The following SDK2 variants were observed in gnomAD, a reference collection of about 807,000 sequenced individuals.
SDK2 encodes the protein protein sidekick-2.
SDK2 carries 105 observed loss-of-function variants against 253.9 expected under a neutral mutation model. The ratio of observed to expected loss-of-function variants is 0.41; its 90% CI spans 0.35 to 0.49. The LOEUF (loss-of-function observed/expected upper bound fraction) is 0.49, where lower values mean the gene tolerates loss of function less well. SDK2 is among the 20% of genes least tolerant of loss of function. The pLI is 0.06. For synonymous variants in SDK2, 1,249 were observed against 1,234.9 expected (o/e 1.01, Z -0.24); for missense variants, 2,608 against 3,003.0 (o/e 0.87, Z 3.07).
intron 40 of SDK2, among the ~76,000 whole-genome samples, chr17:73,353,700 ATTTTTT>A (rs11370066): frequency 2.1e-5 from 2 of 97,220 alleles, no homozygotes; most frequent in Non-Finnish European, 3.8e-5. Flanking sequence ...TGCCTGGCCA[ATTTTTT>A]TTTTTTTTTT....
intron 18 of SDK2, among the ~76,000 whole-genome samples, chr17:73,403,398 C>G (rs904380): frequency 0.72 from 110,127 of 152,002 alleles, 41,000 homozygotes; most frequent in Non-Finnish European, 0.82. Flanking sequence ...TTGCTCATCT[C>G]CCCTCTGCAG....
chr17:73,412,020 G>GTATA lies in SDK2; in HGVS notation c.2484+2620_2484+2623dup, dbSNP rs1311543823. ...TACACACATATATATGTAGATATAC[G>GTATA]TATATGTATATATACGTATATATAT... On this transcript the variant is annotated intron_variant, in intron 18 of 44. Transcript: ENST00000392650. Among the ~76,000 whole-genome samples the GTATA allele has an allele frequency of 4.8e-4, 24 of 49,630 alleles. 7 individuals carry two copies. The highest frequency in any genetic ancestry group is 0.021 in the Middle Eastern group (2 of 94). 32.6% of individuals were successfully genotyped at this position (49,630 alleles called of 152,430 possible).
chr17:73,437,649 G>T lies in SDK2; in HGVS notation c.1000+90C>A, dbSNP rs74917389. The T allele has an allele frequency of 3.7e-3, 4,250 of 1,140,988 alleles. 102 individuals are homozygous for T. The African/African-American group carries it at 0.058, about 15-fold the overall frequency. The allele number at this position is 1,140,988 out of a possible 1,614,324, so 70.7% of individuals were successfully genotyped here. On this transcript the variant is annotated intron_variant, in intron 8 of 44. Transcript: ENST00000392650. ...CTGCCTAGTGACATGGTCTCGAGAA[G>T]AAGCTGGAATTTAGAAATGTCCACA...
intron 17 of SDK2, among the ~76,000 whole-genome samples, chr17:73,415,348 C>A (rs1488312659): frequency 7.2e-6 from 1 of 138,326 alleles, no homozygotes; most frequent in Non-Finnish European, 1.5e-5. Context: ...CATTTCATTT[C>A]ACTTTTTTTT....
intron 1 of SDK2, among the ~76,000 whole-genome samples, chr17:73,611,502 G>A (rs750320581): frequency 1.3e-5 from 2 of 152,224 alleles, no homozygotes; most frequent in Non-Finnish European, 2.9e-5. Context: ...GAGGTGCCCT[G>A]GGGGGACCCC....
At chr17:73,433,702 C>A (rs1175840671) in intron 10 of SDK2, 30 bp downstream of exon 10, 2 of 1,506,010 alleles carry the variant, frequency 1.3e-6, no homozygotes, top group South Asian at 2.4e-5. Context: ...TATCACCCAG[C>A]CACACTCTCT....
chr17:73,509,917 A>AAAAAAAAAAAAAAAAAAAAAAAAAAT (rs2063966825), intron 1 of SDK2, among the ~76,000 whole-genome samples: 1 of 145,846 alleles, frequency 6.9e-6, no homozygotes, highest in African/African-American at 2.6e-5. Context: ...AAAAAAAAAA[A>AAAAAAAAAAAAAAAAAAAAAAAAAAT]AAAAAGAAGG....
chr17:73,397,293 G>T lies in SDK2; in HGVS notation c.3354+742C>A, dbSNP rs571240564. Among the ~76,000 whole-genome samples the T allele has an allele frequency of 3.3e-5, 5 of 152,330 alleles. No individual in the cohort carries two copies. The East Asian group carries it at 9.6e-4, about 29-fold the overall frequency. On this transcript the variant is annotated intron_variant, in intron 24 of 44. Coordinates refer to ENST00000392650, the MANE Select transcript of SDK2 (RefSeq NM_001144952.2). ...GTGCTGGGAAACGATGTTCCAGAGG[G>T]CCTGGTGGGGAGAAGTGGCCTGTTC...
intron 18 of SDK2, among the ~76,000 whole-genome samples, chr17:73,403,194 C>T (rs1204889275): frequency 2.0e-5 from 3 of 152,242 alleles, no homozygotes. Context: ...TGAGCTCCTA[C>T]ATCTTGCCCC....
chr17:73,433,788 A>T lies in SDK2; in HGVS notation c.1256T>A (p.Val419Glu). The T allele has an allele frequency of 1.2e-6, 2 of 1,607,180 alleles. No homozygotes were observed. Among genetic ancestry groups the T allele is most frequent in the Non-Finnish European group, 1.7e-6 (2 of 1,176,828 alleles). The change falls in exon 10 of 45, where the codon GTG (valine) becomes GAG (glutamate). Residue 419 changes from valine (V) to glutamate (E), a missense_variant. This residue lies in a region of SDK2 where 1,505 missense variants were observed against 1,859.1 expected (regional missense o/e 0.81). Transcript: ENST00000392650. ...CCCCGAGGTCTCACATGCTAGCACCACTGACATGCCATCGATCACCGTGCT... is the reference window on the plus strand; with the variant it reads ...CCCCGAGGTCTCACATGCTAGCACCTCTGACATGCCATCGATCACCGTGCT... The part of the protein sequence containing the change: ...LDSTVIDGMS[V>E]VLACETSGAP...
intron 1 of SDK2, among the ~76,000 whole-genome samples, chr17:73,552,064 C>T (rs963284614): frequency 1.3e-5 from 2 of 152,128 alleles, no homozygotes; most frequent in African/African-American, 2.4e-5. Flanking sequence ...CAGTCCCCAC[C>T]GCCTGCCCCC....
At chr17:73,473,404 C>T (rs879832841) in intron 2 of SDK2, among the ~76,000 whole-genome samples, 6 of 152,120 alleles carry the variant, frequency 3.9e-5, no homozygotes, top group Non-Finnish European at 8.8e-5. Context: ...GGCAATGGTC[C>T]CACAGGACCC....
chr17:73,523,563 G>A (rs893687432), intron 1 of SDK2, among the ~76,000 whole-genome samples: 2 of 151,998 alleles, frequency 1.3e-5, no homozygotes, highest in African/African-American at 4.8e-5. Context: ...CTGCCGGCAT[G>A]GGAACGCCAG....
intron 2 of SDK2, among the ~76,000 whole-genome samples, chr17:73,487,874 C>T (rs571212444): frequency 2.0e-5 from 3 of 152,330 alleles, no homozygotes; most frequent in African/African-American, 7.2e-5. Flanking sequence ...GAGTCACAGT[C>T]TTTAACAACC....
chr17:73,432,904 G>C (rs2063339054), intron 10 of SDK2, among the ~76,000 whole-genome samples: 1 of 152,154 alleles, frequency 6.6e-6, no homozygotes, highest in Non-Finnish European at 1.5e-5. Flanking sequence ...GAGTTGTGAA[G>C]GTGAGTGTGC....
chr17:73,489,473 T>C (rs1323325626), intron 2 of SDK2, among the ~76,000 whole-genome samples: 2 of 152,022 alleles, frequency 1.3e-5, no homozygotes, highest in Non-Finnish European at 2.9e-5. Flanking sequence ...GATTGGTGAG[T>C]TGTGATGGCA....
chr17:73,453,370 G>T (rs908104745), intron 4 of SDK2, among the ~76,000 whole-genome samples: 41 of 141,234 alleles, frequency 2.9e-4, no homozygotes, highest in South Asian at 4.5e-4. Flanking sequence ...CTGAGCTGGG[G>T]TTTTTTTTTT....
rs762962122 is a variant in SDK2 at position 73,511,794 on chromosome 17, T to C, written c.65-4197A>G. Reference sequence around the variant, plus strand: ...ACCTGCCTCGTCTGAAAGCAAGAGATGGCAGGGGGCTGGCAGGGTGTGTGC... The same window carrying C: ...ACCTGCCTCGTCTGAAAGCAAGAGACGGCAGGGGGCTGGCAGGGTGTGTGC... On this transcript the variant is annotated intron_variant, in intron 1 of 44. Coordinates refer to ENST00000392650, the MANE Select transcript of SDK2 (RefSeq NM_001144952.2). The surrounding 1 kb of genome is among the most constrained non-coding windows in gnomAD (Gnocchi z 4.9). 6.6e-5 allele frequency among the ~76,000 whole-genome samples: 10 copies of C among 152,132 alleles called. No homozygotes were observed. Among genetic ancestry groups the C allele is most frequent in the Non-Finnish European group, 1.3e-4 (9 of 68,026 alleles).
chr17:73,565,551 A>C (rs1053534625), intron 1 of SDK2, among the ~76,000 whole-genome samples: 4 of 152,280 alleles, frequency 2.6e-5, no homozygotes, highest in Non-Finnish European at 4.4e-5. Context: ...GACATAAAGA[A>C]AAATGTGGTC....
Sources: allele counts gnomAD v4.1 joint callset (sites outside exome capture counted in the v4.1 genomes callset), GRCh38; gene constraint gnomAD v4.1.1; regional missense constraint gnomAD v4.1.1; non-coding constraint Gnocchi (gnomAD v3.1); transcripts MANE v1.5; gene names NCBI Gene and HGNC (gene_info 2026-07-23, HGNC 2026-07-21).